Variants in TNNI3K observed in about 807,000 individuals in gnomAD.
The protein encoded by TNNI3K is TNNI3 interacting kinase.
A neutral mutation model predicts 114.5 loss-of-function variants in TNNI3K; 140 were observed. That is an observed-to-expected ratio of 1.22 (90% CI 1.07 to 1.41). The LOEUF is 1.41. Among genes scored for constraint, TNNI3K ranks in the 40% most tolerant of loss-of-function variants. The pLI, the probability that TNNI3K is intolerant of heterozygous loss-of-function variation, is 0.00. For synonymous variants in TNNI3K, 347 were observed against 347.5 expected (o/e 1.00, Z 0.02); for missense variants, 1,125 against 1,007.6 (o/e 1.12, Z -1.58).
intron 23 of TNNI3K, among the ~76,000 whole-genome samples, chr1:74,530,175 C>G (rs772308613): frequency 6.6e-6 from 1 of 152,140 alleles, no homozygotes; most frequent in Non-Finnish European, 1.5e-5. Flanking sequence ...GGGTCTATAT[C>G]CATCACACTC....
chr1:74,252,810 G>T (rs1475666882), intron 4 of TNNI3K, among the ~76,000 whole-genome samples: 1 of 152,224 alleles, frequency 6.6e-6, no homozygotes, highest in East Asian at 1.9e-4. Flanking sequence ...CATAAAGGCA[G>T]TGTGGACCCA....
At chr1:74,539,259 T>C (rs7520945) in intron 23 of TNNI3K, among the ~76,000 whole-genome samples, 62,157 of 151,998 alleles carry the variant, frequency 0.41, 15,024 homozygotes, top group Non-Finnish European at 0.56. Context: ...TAATTTTGGC[T>C]CAAGGTAACT....
chr1:74,359,445 C>A (rs1661837407), intron 11 of TNNI3K, among the ~76,000 whole-genome samples: 1 of 151,706 alleles, frequency 6.6e-6, no homozygotes, highest in African/African-American at 2.4e-5. Context: ...CGCTATAAAC[C>A]CTCTGATGAA....
chr1:74,425,468 ATAAC>A (rs1665592999), intron 17 of TNNI3K, among the ~76,000 whole-genome samples: 1 of 152,136 alleles, frequency 6.6e-6, no homozygotes, highest in Non-Finnish European at 1.5e-5. Context: ...ATTTGGTCTG[ATAAC>A]TAACGAATTC....
intron 5 of TNNI3K, among the ~76,000 whole-genome samples, chr1:74,305,987 T>A (rs183651393): frequency 6.4e-4 from 98 of 152,228 alleles, no homozygotes; most frequent in African/African-American, 2.3e-3. Flanking sequence ...TGAACGTAGG[T>A]AGTTGTTCAG....
chr1:74,245,691 A>G (rs1220888690), intron 2 of TNNI3K, among the ~76,000 whole-genome samples: 1 of 152,234 alleles, frequency 6.6e-6, no homozygotes, highest in Non-Finnish European at 1.5e-5. Context: ...AAATAGAAAA[A>G]GAAAAAGTGC....
chr1:74,501,221 T>A (rs976254352), intron 23 of TNNI3K, among the ~76,000 whole-genome samples: 1 of 152,216 alleles, frequency 6.6e-6, no homozygotes, highest in Non-Finnish European at 1.5e-5. Flanking sequence ...TGTCTTCCAA[T>A]TCACTTATTC....
chr1:74,256,790 T>C (rs940549787), intron 4 of TNNI3K, among the ~76,000 whole-genome samples: 24 of 152,150 alleles, frequency 1.6e-4, no homozygotes, highest in Non-Finnish European at 2.9e-5. Context: ...ATACATTGCA[T>C]CTATACATGA....
intron 5 of TNNI3K, among the ~76,000 whole-genome samples, chr1:74,276,331 A>C (rs1017084806): frequency 6.6e-6 from 1 of 152,150 alleles, no homozygotes; most frequent in Non-Finnish European, 1.5e-5. Flanking sequence ...ATGGATGGTC[A>C]TAGGACCGAG....
chr1:74,241,206 T>G (rs1165389644), intron 2 of TNNI3K, among the ~76,000 whole-genome samples: 2 of 152,172 alleles, frequency 1.3e-5, no homozygotes, highest in African/African-American at 4.8e-5. Flanking sequence ...TAGTTCCAAG[T>G]CTTTGCTATT....
chr1:74,445,566 C>T (rs1220615419), intron 20 of TNNI3K, among the ~76,000 whole-genome samples: 1 of 149,450 alleles, frequency 6.7e-6, no homozygotes, highest in Non-Finnish European at 1.5e-5. Flanking sequence ...TTTTTTATGG[C>T]TGCATAGTAT....
chr1:74,317,381 T>G (rs1237856188), intron 5 of TNNI3K, among the ~76,000 whole-genome samples: 1 of 152,232 alleles, frequency 6.6e-6, no homozygotes, highest in Non-Finnish European at 1.5e-5. Context: ...TTACAAATAT[T>G]AACTCTCAAT....
chr1:74,493,457 C>T (rs1669176170), intron 23 of TNNI3K, among the ~76,000 whole-genome samples: 3 of 152,202 alleles, frequency 2.0e-5, no homozygotes, highest in Admixed American at 1.3e-4. Flanking sequence ...TCTTTCATAG[C>T]TAGCTCTGCC....
intron 5 of TNNI3K, among the ~76,000 whole-genome samples, chr1:74,287,911 T>C (rs1328891580): frequency 6.6e-6 from 1 of 151,960 alleles, no homozygotes; most frequent in Non-Finnish European, 1.5e-5. Context: ...TATTCCAATC[T>C]AAAAATGTGC....
At chr1:74,270,102 A>G (rs1306077398) in intron 4 of TNNI3K, among the ~76,000 whole-genome samples, 2 of 151,842 alleles carry the variant, frequency 1.3e-5, no homozygotes, top group African/African-American at 4.8e-5. Flanking sequence ...CAGGTGGAAG[A>G]AACAGTCATG....
chr1:74,252,163 C>A (rs540637370), intron 4 of TNNI3K, among the ~76,000 whole-genome samples: 32 of 152,272 alleles, frequency 2.1e-4, no homozygotes, highest in Non-Finnish European at 4.3e-4. Flanking sequence ...GACATTGGCA[C>A]ACAAATGGGT....
intron 17 of TNNI3K, among the ~76,000 whole-genome samples, chr1:74,402,208 T>C (rs1280470750): frequency 6.6e-6 from 1 of 152,134 alleles, no homozygotes; most frequent in East Asian, 1.9e-4. Flanking sequence ...TTGAAAAGGA[T>C]GGAATGGGGC....
At position 74,253,629 on chromosome 1, in the gene TNNI3K, G is replaced by A. The variant is rs549830153; in HGVS notation, c.333+2860G>A. Among the ~76,000 whole-genome samples, 13 of 152,158 alleles carry A rather than the reference G, an allele frequency of 8.5e-5. No homozygotes were observed. In the East Asian group the frequency reaches 1.4e-3, roughly 16 times the overall value. On this transcript the variant is annotated intron_variant, in intron 4 of 24. Transcript: ENST00000326637. ...CCGGAGCCGGCAGGACTGGCCGGCC[G>A]CTCGGAGTGCGGGCCCGCCAAGCCC...
Position 74,381,690 on chromosome 1 carries a change from G to C in TNNI3K, c.1772+11298G>C, listed in dbSNP as rs934935238. Among the ~76,000 whole-genome samples the C allele has an allele frequency of 2.0e-5, 3 of 152,046 alleles. No individual in the cohort carries two copies. The East Asian group carries it at 5.8e-4, about 29-fold the overall frequency. ...TCCTTCTTGGTTCGAACTTGAATCA[G>C]GGATTCAGTCTGATACTCCCATTAG... is the stretch of plus-strand genomic sequence containing the variant. On this transcript the variant is annotated intron_variant, in intron 17 of 24. Transcript: ENST00000326637.
Sources: allele counts gnomAD v4.1 joint callset (sites outside exome capture counted in the v4.1 genomes callset), GRCh38; gene constraint gnomAD v4.1.1; transcripts MANE v1.5; gene names NCBI Gene and HGNC (gene_info 2026-07-23, HGNC 2026-07-21).